DPP6: variants seen among roughly 807,000 people sequenced by gnomAD.
DPP6 encodes the protein A-type potassium channel modulatory protein DPP6.
Under a neutral mutation model 122.6 loss-of-function variants are expected in DPP6, and 69 were observed. The ratio of observed to expected loss-of-function variants is 0.56; its 90% CI spans 0.46 to 0.69. DPP6 has a LOEUF of 0.69. DPP6 is among the 30% of genes least tolerant of loss of function. DPP6 has a pLI of 0.00. For synonymous variants in DPP6, 418 were observed against 433.1 expected, an observed-to-expected ratio of 0.97 and a Z score of 0.43; for missense variants, 928 against 1,116.9, an observed-to-expected ratio of 0.83 and a Z score of 2.41.
chr7:153,770,909 A>T, the DPP6 span, among the ~76,000 whole-genome samples: 1 of 152,218 alleles, frequency 6.6e-6, no homozygotes, highest in African/African-American at 2.4e-5. Context: ...GAATTTTTAC[A>T]AAATGAACCA....
chr7:154,390,937 G>A (rs1814561948), intron 1 of DPP6, among the ~76,000 whole-genome samples: 4 of 152,148 alleles, frequency 2.6e-5, no homozygotes. Flanking sequence ...GTCGTCAGAA[G>A]GGTCCCACCG....
chr7:154,239,354 G>A lies in DPP6; in HGVS notation c.243+186291G>A, dbSNP rs912554656. On this transcript the variant is annotated intron_variant, in intron 1 of 25. Transcript: ENST00000377770. ...TTGAACGGAGCAGTTCCACTTATAT[G>A]TGGATTTTCTTCTGCCTCTGCCACC... Among the ~76,000 whole-genome samples the A allele has an allele frequency of 4.6e-5, 7 of 152,236 alleles. No individual in the cohort carries two copies. In the South Asian group the frequency reaches 6.2e-4, roughly 14 times the overall value.
intron 1 of DPP6, among the ~76,000 whole-genome samples, chr7:153,928,116 CA>C (rs34603763): frequency 0.3 from 45,836 of 151,834 alleles, 7,711 homozygotes; most frequent in East Asian, 0.6. Flanking sequence ...AGCTTAAAAA[CA>C]GCAGAAATTT....
chr7:154,815,858 G>T (rs1799393919), intron 16 of DPP6, among the ~76,000 whole-genome samples: 1 of 152,166 alleles, frequency 6.6e-6, no homozygotes. Flanking sequence ...TAGCAGATTG[G>T]TTTATCAAGA....
intron 1 of DPP6, among the ~76,000 whole-genome samples, chr7:153,995,075 A>G (rs1797359578): frequency 6.6e-6 from 1 of 152,240 alleles, no homozygotes; most frequent in Admixed American, 6.5e-5. Flanking sequence ...TCAGAAAACA[A>G]GAAATCTCAG....
At chr7:154,858,208 C>T (rs549708491) in intron 17 of DPP6, 2 of 152,342 alleles carry the variant, frequency 1.3e-5, no homozygotes, top group Admixed American at 6.5e-5. Context: ...TATTTTAACT[C>T]ATTTCATCCT....
chr7:153,865,610 A>C, the DPP6 span, among the ~76,000 whole-genome samples: 19 of 152,338 alleles, frequency 1.2e-4, no homozygotes, highest in East Asian at 2.9e-3. Context: ...GCCAATATAT[A>C]AAGTGGTCAA....
intron 1 of DPP6, among the ~76,000 whole-genome samples, chr7:154,313,716 C>T (rs796687584): frequency 0.15 from 3,292 of 21,612 alleles, 476 homozygotes; most frequent in Non-Finnish European, 0.19. Context: ...TATATATATA[C>T]ACACACACGC....
chr7:154,262,458 A>G (rs1803090825), intron 1 of DPP6, among the ~76,000 whole-genome samples: 1 of 152,164 alleles, frequency 6.6e-6, no homozygotes, highest in African/African-American at 2.4e-5. Context: ...ATGTGAGGAC[A>G]CAGTGAGAAG....
intron 6 of DPP6, among the ~76,000 whole-genome samples, chr7:154,655,074 A>T (rs1837151018): frequency 6.6e-6 from 1 of 152,110 alleles, no homozygotes; most frequent in Non-Finnish European, 1.5e-5. Flanking sequence ...TGTATCACAC[A>T]TTTTTATATT....
At chr7:153,917,554 C>G (rs1188352161) in intron 1 of DPP6, among the ~76,000 whole-genome samples, 2 of 152,182 alleles carry the variant, frequency 1.3e-5, no homozygotes, top group African/African-American at 2.4e-5. Flanking sequence ...CAGGAAGTTG[C>G]TGCCACATTT....
chr7:153,970,459 T>C (rs1294999739), intron 1 of DPP6, among the ~76,000 whole-genome samples: 2 of 152,228 alleles, frequency 1.3e-5, no homozygotes. Context: ...TTAACAATCT[T>C]AATAGTGCCT....
chr7:154,627,407 C>T (rs927600026), intron 5 of DPP6, among the ~76,000 whole-genome samples: 1 of 151,426 alleles, frequency 6.6e-6, no homozygotes, highest in African/African-American at 2.4e-5. Context: ...ACCATGTTGG[C>T]CAGGCTGGTC....
chr7:154,654,383 C>A (rs1837087596), intron 6 of DPP6, among the ~76,000 whole-genome samples: 1 of 54,802 alleles, frequency 1.8e-5, no homozygotes. Context: ...GCATCTCTGC[C>A]TGAAAACATC....
intron 16 of DPP6, among the ~76,000 whole-genome samples, chr7:154,836,550 CA>C (rs1468413177): frequency 1.3e-5 from 2 of 152,094 alleles, no homozygotes; most frequent in Non-Finnish European, 2.9e-5. Context: ...TTATGTGTTA[CA>C]AAAATATTTC....
At chr7:154,557,786 A>C (rs1208964132) in intron 4 of DPP6, among the ~76,000 whole-genome samples, 2 of 152,120 alleles carry the variant, frequency 1.3e-5, no homozygotes, top group Non-Finnish European at 2.9e-5. Context: ...CGAAGGGGAA[A>C]AATTCAAGAC....
intron 1 of DPP6, among the ~76,000 whole-genome samples, chr7:154,347,080 A>G (rs895259925): frequency 2.0e-5 from 3 of 152,140 alleles, no homozygotes. Context: ...TAGCCCTGTA[A>G]TGTTATTCCA....
intron 1 of DPP6, among the ~76,000 whole-genome samples, chr7:154,266,965 T>A (rs1803462736): frequency 6.6e-6 from 1 of 152,238 alleles, no homozygotes; most frequent in Non-Finnish European, 1.5e-5. Flanking sequence ...TATTCGCAGT[T>A]ATCTGATAAA....
the DPP6 span, among the ~76,000 whole-genome samples, chr7:153,770,427 A>C: frequency 6.6e-6 from 1 of 152,160 alleles, no homozygotes; most frequent in South Asian, 2.1e-4. Flanking sequence ...GGTACTGATA[A>C]ATCTGAGGCC....
Sources: allele counts gnomAD v4.1 joint callset (sites outside exome capture counted in the v4.1 genomes callset), GRCh38; gene constraint gnomAD v4.1.1; transcripts MANE v1.5; gene names NCBI Gene and HGNC (gene_info 2026-07-23, HGNC 2026-07-21).